Variants in SOX5 observed in about 807,000 individuals in gnomAD.
The protein encoded by SOX5 is SRY-box transcription factor 5, also known as transcription factor SOX-5.
Under a neutral mutation model 92.0 loss-of-function variants are expected in SOX5, and 9 were observed. The observed-to-expected ratio is 0.10, with a 90% CI of 0.06 to 0.17. The LOEUF (loss-of-function observed/expected upper bound fraction) is 0.17. Ranked by LOEUF, SOX5 falls within the 10% of genes least tolerant of loss-of-function variation. The pLI, the probability that SOX5 is intolerant of heterozygous loss-of-function variation, is 1.00. For synonymous variants in SOX5, 344 were observed against 336.3 expected (o/e 1.02, Z -0.25); for missense variants, 642 against 944.5 (o/e 0.68, Z 4.20).
chr12:24,407,824 C>A (rs1377793139), intron 1 of SOX5, among the ~76,000 whole-genome samples: 1 of 152,116 alleles, frequency 6.6e-6, no homozygotes, highest in African/African-American at 2.4e-5. Flanking sequence ...TAAAATGCTC[C>A]AAATCCAGGA....
chr12:24,507,605 C>T (rs1457164644), intron 1 of SOX5, among the ~76,000 whole-genome samples: 1 of 152,048 alleles, frequency 6.6e-6, no homozygotes, highest in Non-Finnish European at 1.5e-5. Context: ...TTTTTTGCAA[C>T]AACTTAGAAA....
chr12:24,126,989 C>T (rs1321732019), intron 4 of SOX5, among the ~76,000 whole-genome samples: 1 of 152,120 alleles, frequency 6.6e-6, no homozygotes, highest in South Asian at 2.1e-4. Context: ...AGTTTTATGG[C>T]TACATGTTTA....
intron 6 of SOX5, among the ~76,000 whole-genome samples, chr12:23,679,685 A>C (rs1199556295): frequency 6.6e-6 from 1 of 152,200 alleles, no homozygotes; most frequent in African/African-American, 2.4e-5. Context: ...TGTACTGCCT[A>C]CTAGAAACTT....
At chr12:24,229,475 T>C (rs1306269231) in intron 3 of SOX5, among the ~76,000 whole-genome samples, 1 of 152,126 alleles carries the variant, frequency 6.6e-6, no homozygotes, top group East Asian at 1.9e-4. Flanking sequence ...AGGCTAACCA[T>C]GGTCAGGAAA....
chr12:23,733,111 C>T (rs1406273109), intron 6 of SOX5, among the ~76,000 whole-genome samples: 4 of 152,102 alleles, frequency 2.6e-5, no homozygotes, highest in African/African-American at 9.7e-5. Flanking sequence ...GAGCCTTACA[C>T]CCATTTACAA....
At chr12:24,038,580 AT>A (rs560790881) in intron 4 of SOX5, among the ~76,000 whole-genome samples, 42 of 150,042 alleles carry the variant, frequency 2.8e-4, no homozygotes, top group East Asian at 1.2e-3. Flanking sequence ...TTAGCTTAGC[AT>A]TTTTTTTTTC....
intron 2 of SOX5, among the ~76,000 whole-genome samples, chr12:23,881,362 T>G (rs1277508070): frequency 6.6e-6 from 1 of 152,184 alleles, no homozygotes; most frequent in African/African-American, 2.4e-5. Flanking sequence ...CCTCGCAATT[T>G]CTTTCTCTTT....
chr12:24,120,606 T>C (rs1948512147), intron 4 of SOX5, among the ~76,000 whole-genome samples: 1 of 152,220 alleles, frequency 6.6e-6, no homozygotes, highest in Non-Finnish European at 1.5e-5. Flanking sequence ...ACTTCAAAAA[T>C]AAAGCATTCA....
chr12:24,098,558 T>C (rs1019815869), intron 4 of SOX5, among the ~76,000 whole-genome samples: 2 of 152,160 alleles, frequency 1.3e-5, no homozygotes, highest in African/African-American at 4.8e-5. Context: ...TTTACAAATA[T>C]GGATTTGAAT....
At chr12:24,361,195 T>C (rs928674598) in intron 2 of SOX5, among the ~76,000 whole-genome samples, 2 of 152,118 alleles carry the variant, frequency 1.3e-5, no homozygotes, top group Admixed American at 1.3e-4. Flanking sequence ...AGAGAGGAAA[T>C]TACATGACCA....
chr12:24,114,671 T>C (rs528571933), intron 4 of SOX5, among the ~76,000 whole-genome samples: 12 of 149,240 alleles, frequency 8.0e-5, no homozygotes, highest in Non-Finnish European at 1.6e-4. Flanking sequence ...GGCATAGGGG[T>C]TCACGCCTGT....
chr12:24,306,380 A>G (rs921436329), intron 2 of SOX5, among the ~76,000 whole-genome samples: 1 of 152,220 alleles, frequency 6.6e-6, no homozygotes, highest in Admixed American at 6.5e-5. Flanking sequence ...CCCTCAATCT[A>G]TGATTCTGCC....
chr12:23,892,447 A>G (rs1027874624), intron 2 of SOX5, among the ~76,000 whole-genome samples: 2 of 152,200 alleles, frequency 1.3e-5, no homozygotes, highest in Non-Finnish European at 2.9e-5. Flanking sequence ...ATGCTAGTCT[A>G]TAGAGATTTT....
intron 6 of SOX5, among the ~76,000 whole-genome samples, chr12:23,725,890 C>T (rs920253650): frequency 1.3e-5 from 2 of 152,056 alleles, no homozygotes; most frequent in Non-Finnish European, 2.9e-5. Context: ...TCAAATGCTG[C>T]TGTAAGCTCA....
intron 7 of SOX5, among the ~76,000 whole-genome samples, chr12:23,647,710 C>T (rs1469281544): frequency 2.0e-5 from 3 of 152,152 alleles, no homozygotes; most frequent in Admixed American, 1.3e-4. Context: ...AACCAACCTC[C>T]CCAACACCAA....
chr12:23,893,403 G>A (rs189162070), intron 2 of SOX5, among the ~76,000 whole-genome samples: 18 of 151,686 alleles, frequency 1.2e-4, no homozygotes, highest in East Asian at 9.7e-4. Context: ...CTGAGATCGC[G>A]CCACTGCTCT....
intron 3 of SOX5, among the ~76,000 whole-genome samples, chr12:24,224,903 A>C (rs529540386): frequency 7.2e-5 from 11 of 152,310 alleles, no homozygotes; most frequent in Admixed American, 2.0e-4. Context: ...AATTCCTTCC[A>C]TTCTCTTTAG....
chr12:23,664,363 A>G (rs983852287), intron 7 of SOX5, among the ~76,000 whole-genome samples: 1 of 151,966 alleles, frequency 6.6e-6, no homozygotes, highest in African/African-American at 2.4e-5. Context: ...GAATTTAAAA[A>G]CAATATTCTG....
Position 24,369,213 on chromosome 12 carries a change from A to T in SOX5, c.-250-574T>A, listed in dbSNP as rs531993188. On this transcript the variant is annotated intron_variant, in intron 1 of 4. Coordinates refer to the SOX5 transcript ENST00000446891. ...GGCATCTGCCTTCAGCTATGAGAAC[A>T]TGATCTCCTGAACTCAAAATGTCAT... 1.1e-4 allele frequency among the ~76,000 whole-genome samples: 17 copies of T among 152,298 alleles called. No homozygotes were observed. The South Asian group carries it at 2.7e-3, about 24-fold the overall frequency.
Sources: gnomAD v4.1 joint callset for allele counts (sites outside exome capture counted in the v4.1 genomes callset) on GRCh38, gnomAD v4.1.1 for gene constraint, MANE v1.5 for transcripts, NCBI Gene and HGNC (gene_info 2026-07-23, HGNC 2026-07-21) for gene names.